The following TSHR variants were observed in gnomAD, a reference collection of about 807,000 sequenced individuals.
TSHR encodes thyrotropin receptor.
In TSHR, 51 loss-of-function variants were observed where a neutral mutation model predicts 64.1. The observed-to-expected ratio is 0.80, with a 90% CI of 0.64 to 1.01. TSHR has a LOEUF of 1.01. Ranked by LOEUF, TSHR falls within the 50% of genes least tolerant of loss-of-function variation. The pLI, the probability that TSHR is intolerant of heterozygous loss-of-function variation, is 0.00. For synonymous variants in TSHR, 361 were observed against 361.9 expected, an observed-to-expected ratio of 1.00 and a Z score of 0.03; for missense variants, 877 against 942.8, an observed-to-expected ratio of 0.93 and a Z score of 0.91.
At chr14:81,015,188 C>T (rs1445881010) in intron 1 of TSHR, among the ~76,000 whole-genome samples, 1 of 152,108 alleles carries the variant, frequency 6.6e-6, no homozygotes, top group Admixed American at 6.6e-5. Context: ...TCTAAATAAG[C>T]ATTGAGTTTT....
At chr14:81,128,037 G>A (rs192907565) in intron 8 of TSHR, among the ~76,000 whole-genome samples, 7 of 152,222 alleles carry the variant, frequency 4.6e-5, no homozygotes, top group Non-Finnish European at 7.4e-5. Flanking sequence ...AATAGTAAAC[G>A]CTGAAAGATT....
At chr14:81,080,572 C>G (rs962908473) in intron 3 of TSHR, among the ~76,000 whole-genome samples, 2 of 152,080 alleles carry the variant, frequency 1.3e-5, no homozygotes, top group Non-Finnish European at 2.9e-5. Flanking sequence ...TCCTCAATAT[C>G]TCTTATTTTT....
At chr14:81,054,970 GA>G (rs1885677590) in intron 1 of TSHR, among the ~76,000 whole-genome samples, 1 of 152,120 alleles carries the variant, frequency 6.6e-6, no homozygotes, top group Non-Finnish European at 1.5e-5. Flanking sequence ...AAGACAATGG[GA>G]AAAATGTCTC....
chr14:81,094,425 A>C (rs1159162441), intron 6 of TSHR: 1 of 152,216 alleles, frequency 6.6e-6, no homozygotes, highest in East Asian at 1.9e-4. Context: ...TTCATAAAAG[A>C]GTTCTAGTTT....
intron 8 of TSHR, among the ~76,000 whole-genome samples, chr14:81,116,876 T>A (rs1278033403): frequency 2.0e-4 from 29 of 148,212 alleles, no homozygotes; most frequent in Admixed American, 4.7e-4. Flanking sequence ...GGATTAAGAA[T>A]CTCACTCAAA....
At position 81,018,029 on chromosome 14, in the gene TSHR, T is replaced by C. The variant is rs552700518; in HGVS notation, c.171-44119T>C. Among the ~76,000 whole-genome samples, 75 of 151,968 alleles carry C rather than the reference T, an allele frequency of 4.9e-4. 4 individuals carry two copies. The highest frequency in any genetic ancestry group is 1.7e-3 in the African/African-American group (72 of 41,484). On this transcript the variant is annotated intron_variant, in intron 1 of 9. Coordinates refer to ENST00000298171, the MANE Select transcript of TSHR (RefSeq NM_000369.5). ...TATTGTTAGTAGAGATGAGGTTTCATCATGTTGGCCAGGCTGGTCTCGAAC... is the reference window on the plus strand; with the variant it reads ...TATTGTTAGTAGAGATGAGGTTTCACCATGTTGGCCAGGCTGGTCTCGAAC...
intron 1 of TSHR, among the ~76,000 whole-genome samples, chr14:81,000,950 G>A (rs1004837023): frequency 2.5e-4 from 38 of 152,200 alleles, no homozygotes; most frequent in Middle Eastern, 6.8e-3. Context: ...TGCAGATGCT[G>A]CCTGTGGGCT....
chr14:80,955,847 C>T lies in TSHR; in HGVS notation c.167C>T (p.Thr56Ile), dbSNP rs781625203. The T allele has an allele frequency of 1.7e-5, 28 of 1,614,080 alleles. No homozygotes were observed. The highest frequency in any genetic ancestry group is 9.9e-5 in the South Asian group (9 of 91,092). ...CCCAGCTTACCGCCCAGTACGCAGA[C>T]TCTGTGAGTACCCGGGAGAGATCAG... The part of the protein sequence containing the change: ...RIPSLPPSTQ[T>I]LKLIETHLRT... Residue 56 changes from threonine to isoleucine, a missense_variant, in exon 1 of 10, where the codon ACT (threonine) becomes ATT (isoleucine). Transcript: ENST00000298171.
At chr14:81,086,741 A>G (rs1296303685) in intron 3 of TSHR, among the ~76,000 whole-genome samples, 1 of 152,246 alleles carries the variant, frequency 6.6e-6, no homozygotes, top group Non-Finnish European at 1.5e-5. Context: ...CTATTCAGAA[A>G]TAAAAAGGAG....
At chr14:81,081,288 A>G (rs1887885767) in intron 3 of TSHR, among the ~76,000 whole-genome samples, 1 of 152,208 alleles carries the variant, frequency 6.6e-6, no homozygotes, top group African/African-American at 2.4e-5. Context: ...GTATATATAT[A>G]TACTTAACAG....
Position 81,144,089 on chromosome 14 carries a change from C to T in TSHR, c.2031C>T (p.Leu677=), listed in dbSNP as rs1299954975. 2 of 1,614,192 alleles carry T rather than the reference C, an allele frequency of 1.2e-6. No individual in the cohort carries two copies. The highest frequency in any genetic ancestry group is 3.3e-5 in the Admixed American group (2 of 60,024). Reference sequence around the variant, plus strand: ...TTAACTCCTGTGCCAATCCATTCCTCTATGCTATTTTCACCAAGGCCTTCC... The same window carrying T: ...TTAACTCCTGTGCCAATCCATTCCTTTATGCTATTTTCACCAAGGCCTTCC... ...YPLNSCANPF[L]YAIFTKAFQR... Residue 677 remains leucine, a synonymous_variant, in exon 10 of 10, where the codon CTC becomes CTT. Transcript: ENST00000298171.
intron 1 of TSHR, chr14:81,051,887 T>A (rs993968707): frequency 6.6e-6 from 1 of 152,164 alleles, no homozygotes; most frequent in African/African-American, 2.4e-5. Flanking sequence ...TACGAGTATA[T>A]GTTTTATTGA....
At chr14:81,004,933 C>A (rs3783944) in intron 1 of TSHR, among the ~76,000 whole-genome samples, 1 of 152,112 alleles carries the variant, frequency 6.6e-6, no homozygotes, top group Admixed American at 6.5e-5. Context: ...TCTCTCCTAC[C>A]TGGGAAATAT....
At chr14:81,079,521 C>T (rs764334922) in intron 3 of TSHR, among the ~76,000 whole-genome samples, 7 of 152,134 alleles carry the variant, frequency 4.6e-5, no homozygotes, top group Non-Finnish European at 5.9e-5. Context: ...CACTGCAATG[C>T]CATAAAATCT....
chr14:81,038,079 T>C (rs13353125), intron 1 of TSHR, among the ~76,000 whole-genome samples: 37,164 of 151,922 alleles, frequency 0.24, 4,669 homozygotes, highest in South Asian at 0.33. Context: ...GATTATATGT[T>C]AGGCCACAAA....
At chr14:81,087,169 C>A (rs189745203) in intron 3 of TSHR, among the ~76,000 whole-genome samples, 158 of 152,284 alleles carry the variant, frequency 1.0e-3, no homozygotes, top group African/African-American at 3.7e-3. Flanking sequence ...CTTTTAGGTG[C>A]CACTCCTAAG....
intron 8 of TSHR, among the ~76,000 whole-genome samples, chr14:81,132,014 T>C (rs1891268233): frequency 6.9e-6 from 1 of 144,768 alleles, no homozygotes. Flanking sequence ...ATATTGCATT[T>C]CTAAATTATT....
intron 8 of TSHR, among the ~76,000 whole-genome samples, chr14:81,110,511 G>A (rs112554139): frequency 1.0e-3 from 153 of 152,298 alleles, no homozygotes; most frequent in African/African-American, 3.4e-3. Context: ...GCAGCCTCCA[G>A]AACTGTAAGA....
At chr14:81,097,855 A>G (rs1182684431) in intron 7 of TSHR, among the ~76,000 whole-genome samples, 2 of 152,174 alleles carry the variant, frequency 1.3e-5, no homozygotes, top group African/African-American at 4.8e-5. Context: ...ATGAAGAGTT[A>G]CAGTACCATT....
Sources: gnomAD v4.1 joint callset for allele counts (sites outside exome capture counted in the v4.1 genomes callset) on GRCh38, gnomAD v4.1.1 for gene constraint, MANE v1.5 for transcripts, NCBI Gene and HGNC (gene_info 2026-07-23, HGNC 2026-07-21) for gene names.